KMT2C: variants seen among roughly 807,000 people sequenced by gnomAD.
KMT2C encodes histone-lysine N-methyltransferase 2C.
Under a neutral mutation model 507.9 loss-of-function variants are expected in KMT2C, and 88 were observed. The ratio of observed to expected loss-of-function variants is 0.17; its 90% CI spans 0.15 to 0.21. The LOEUF is 0.21. Ranked by LOEUF, KMT2C falls within the 10% of genes least tolerant of loss-of-function variation. KMT2C has a pLI of 1.00. For synonymous variants in KMT2C, 2,049 were observed against 2,080.8 expected (o/e 0.98, Z 0.42); for missense variants, 4,954 against 5,957.8 (o/e 0.83, Z 5.55).
At position 152,220,668 on chromosome 7, in the gene KMT2C, G is replaced by T. The variant is rs995990760; in HGVS notation, c.3567C>A (p.Ser1189Arg). 8.1e-6 allele frequency: 13 copies of T among 1,611,450 alleles called. No individual in the cohort carries two copies. The highest frequency in any genetic ancestry group is 2.3e-4 in the Middle Eastern group (1 of 4,430). ...LTESGMTQLQSLTVTVPRRKR... is the reference protein window; with the variant it reads ...LTESGMTQLQRLTVTVPRRKR... ...TTCTTCTTGGAACTGTAACTGTGAG[G>T]CTCTGTAACTGAGTCATCCCTGATT... Residue 1189 changes from serine to arginine, a missense_variant, in exon 23 of 59, where the codon AGC (serine) becomes AGA (arginine). By Grantham distance (110) the Ser-to-Arg change is moderately radical. Transcript: ENST00000262189.
At chr7:152,329,805 C>G (rs1031027690) in intron 3 of KMT2C, among the ~76,000 whole-genome samples, 15 of 151,792 alleles carry the variant, frequency 9.9e-5, no homozygotes, top group Non-Finnish European at 1.8e-4. Context: ...TCATGTCTTT[C>G]AAATAAGGTC....
At position 152,249,586 on chromosome 7, in the gene KMT2C, T is replaced by C. The variant is rs181928385; in HGVS notation, c.1813+290A>G. On this transcript the variant is annotated intron_variant, in intron 13 of 58. Transcript: ENST00000262189. ...AAATCTCATCTTCTTTCCCACTTTA[T>C]TGAAAGACTACAGGTAGGGATAAAA... Among the ~76,000 whole-genome samples the C allele has an allele frequency of 3.3e-4, 49 of 146,872 alleles. No individual in the cohort carries two copies. In the East Asian group the frequency reaches 7.8e-3, roughly 23 times the overall value.
At chr7:152,190,303 G>C (rs76975400) in intron 31 of KMT2C, among the ~76,000 whole-genome samples, 1,882 of 152,280 alleles carry the variant, frequency 0.012, 20 homozygotes, top group Non-Finnish European at 0.02. Flanking sequence ...CCATACTGTA[G>C]CTAGGTATCA....
chr7:152,239,093 T>TATA (rs1435706651), intron 14 of KMT2C: 1 of 292,654 alleles, frequency 3.4e-6, no homozygotes, highest in Non-Finnish European at 6.4e-6. Context: ...AATTAAGGTT[T>TATA]ATAGGACATC....
chr7:152,178,041 A>AAAAAAAAGC, intron 37 of KMT2C, 31 bp from the exon 38 acceptor site: 1 of 1,276,136 alleles, frequency 7.8e-7, no homozygotes, highest in Non-Finnish European at 1.0e-6. Context: ...AAAAAAAAAA[A>AAAAAAAAGC]AGCAAATAGG....
rs766518165 is a variant in KMT2C, at chr7:152,215,688, T to TATATATATATATATATATAC, written c.3712+4834_3712+4835insGTATATATATATATATATAT. 1.6e-3 allele frequency among the ~76,000 whole-genome samples: 220 copies of TATATATATATATATATATAC among 134,482 alleles called. 17 individuals are homozygous for TATATATATATATATATATAC. Among genetic ancestry groups the TATATATATATATATATATAC allele is most frequent in the African/African-American group, 7.2e-3 (214 of 29,658 alleles). The allele number at this position is 134,482 out of a possible 152,430, so 88.2% of individuals were successfully genotyped here. ...ACAAAAGGAACAAAATATATATATA[T>TATATATATATATATATATAC]ACACACACACATACACACACAAAAT... On this transcript the variant is annotated intron_variant, in intron 23 of 58. Coordinates refer to ENST00000262189, the MANE Select transcript of KMT2C (RefSeq NM_170606.3).
rs1200314833 is a variant in KMT2C at position 152,215,676 on chromosome 7, A to AATATAT, written c.3712+4841_3712+4846dup. 1.4e-3 allele frequency among the ~76,000 whole-genome samples: 191 copies of AATATAT among 134,570 alleles called. 6 individuals carry two copies. The highest frequency in any genetic ancestry group is 6.3e-3 in the African/African-American group (183 of 29,018). The allele number at this position is 134,570 out of a possible 152,430, so 88.3% of individuals were successfully genotyped here. ...AATAGTAGTAAGACAAAAGGAACAAAATATATATATATACACACACACATA... is the reference window on the plus strand; with the variant it reads ...AATAGTAGTAAGACAAAAGGAACAAAATATATATATATATATATACACACACACATA... On this transcript the variant is annotated intron_variant, in intron 23 of 58. Transcript: ENST00000262189.
chr7:152,151,484 A>G lies in KMT2C; in HGVS notation c.12624T>C (p.Ser4208=). The G allele has an allele frequency of 6.2e-7, 1 of 1,614,170 alleles. No individual in the cohort carries two copies. The highest frequency in any genetic ancestry group is 8.5e-7 in the Non-Finnish European group (1 of 1,180,012). ...CCHCKVVILG[S]GVRKSFKDLT... is the part of the protein sequence containing the mutation. ...GATCTTTGAAAGATTTCCGCACACC[A>G]CTTCCAAGAATAACCACTTTACAAT... The change falls in exon 50 of 59, where the codon AGT becomes AGC. Residue 4208 remains serine, a synonymous_variant. Transcript: ENST00000262189.
chr7:152,322,532 TTG>T (rs1278580235), intron 3 of KMT2C, among the ~76,000 whole-genome samples: 2 of 152,034 alleles, frequency 1.3e-5, no homozygotes, highest in Non-Finnish European at 2.9e-5. Context: ...AATCATACCC[TTG>T]TCTCACATAA....
chr7:152,350,969 G>GT (rs1388781710), intron 2 of KMT2C, among the ~76,000 whole-genome samples: 1 of 151,708 alleles, frequency 6.6e-6, no homozygotes, highest in Non-Finnish European at 1.5e-5. Flanking sequence ...TTGTTTCTCT[G>GT]TTTTTGTTTT....
At chr7:152,281,327 T>C (rs1009626898) in intron 6 of KMT2C, among the ~76,000 whole-genome samples, 3 of 152,154 alleles carry the variant, frequency 2.0e-5, no homozygotes, top group African/African-American at 7.2e-5. Context: ...TTATAGAATT[T>C]CATAATTTAA....
At chr7:152,194,708 T>A in intron 28 of KMT2C, 140 bp from the exon 29 acceptor site, 7 of 552,242 alleles carry the variant, frequency 1.3e-5, no homozygotes, top group Non-Finnish European at 1.8e-5. Context: ...ATCAGAATTC[T>A]CATATCAATT....
chr7:152,218,696 G>C (rs2094661762), intron 23 of KMT2C, among the ~76,000 whole-genome samples: 1 of 151,950 alleles, frequency 6.6e-6, no homozygotes, highest in African/African-American at 2.4e-5. Flanking sequence ...CCTTATGGTT[G>C]TGTGAGATAT....
At chr7:152,319,140 T>TA (rs2096748357) in intron 3 of KMT2C, among the ~76,000 whole-genome samples, 1 of 152,258 alleles carries the variant, frequency 6.6e-6, no homozygotes, top group African/African-American at 2.4e-5. Flanking sequence ...ATACGAAACA[T>TA]AAATGAATTT....
chr7:152,142,068 AAT>A (rs2090629065), intron 55 of KMT2C, among the ~76,000 whole-genome samples: 2 of 152,218 alleles, frequency 1.3e-5, no homozygotes, highest in Admixed American at 1.3e-4. Flanking sequence ...GTTACTTCTA[AAT>A]GGCCCTTCAA....
rs1176995671 is a variant in KMT2C, at chr7:152,177,475, C to G, written c.7978G>C (p.Ala2660Pro). ...GACGGTACAGATGTTGACAAAGGAG[C>G]TTCTGAAAATTCACCACCTAGTGGA... ...NHPLGGEFSE[A>P]PLSTSVPSET... is the part of the protein sequence containing the mutation. Residue 2660 changes from alanine (A) to proline (P), a missense_variant, in exon 38 of 59, where the codon GCT (alanine) becomes CCT (proline). Physicochemically the swap from Ala to Pro is conservative, Grantham distance 27 (BLOSUM62 -1). This residue lies in a region of KMT2C where 1,689 missense variants were observed against 1,654.3 expected (regional missense o/e 1.02). Coordinates refer to ENST00000262189, the MANE Select transcript of KMT2C (RefSeq NM_170606.3). The G allele has an allele frequency of 1.2e-6, 2 of 1,614,056 alleles. No individual in the cohort carries two copies. The highest frequency in any genetic ancestry group is 1.3e-5 in the African/African-American group (1 of 74,920).
intron 3 of KMT2C, among the ~76,000 whole-genome samples, chr7:152,317,788 T>C (rs370772885): frequency 1.3e-5 from 2 of 152,130 alleles, no homozygotes; most frequent in South Asian, 4.1e-4. Flanking sequence ...GGAGGATTGC[T>C]TAACCCCAGG....
chr7:152,356,557 C>A (rs1046341246), intron 2 of KMT2C, among the ~76,000 whole-genome samples: 7 of 151,278 alleles, frequency 4.6e-5, no homozygotes, highest in African/African-American at 1.5e-4. Flanking sequence ...GCCTGGGGAA[C>A]AAAGGACGAA....
chr7:152,197,780 T>C (rs1337957542), intron 27 of KMT2C, among the ~76,000 whole-genome samples: 1 of 152,130 alleles, frequency 6.6e-6, no homozygotes, highest in African/African-American at 2.4e-5. Flanking sequence ...CCTTTAGTCA[T>C]TAATTTTCCA....
Sources: allele counts gnomAD v4.1 joint callset (sites outside exome capture counted in the v4.1 genomes callset), GRCh38; gene constraint gnomAD v4.1.1; regional missense constraint gnomAD v4.1.1; transcripts MANE v1.5; gene names NCBI Gene and HGNC (gene_info 2026-07-23, HGNC 2026-07-21).